The following NKAIN2 variants were observed in gnomAD, a reference collection of about 807,000 sequenced individuals.
The protein encoded by NKAIN2 is sodium/potassium-transporting ATPase subunit beta-1-interacting protein 2.
Under a neutral mutation model 32.6 loss-of-function variants are expected in NKAIN2, and 14 were observed. That is an observed-to-expected ratio of 0.43 (90% confidence interval 0.28 to 0.67). The LOEUF (loss-of-function observed/expected upper bound fraction) is 0.67. NKAIN2 is among the 30% of genes least tolerant of loss of function. The pLI, the probability that NKAIN2 is intolerant of heterozygous loss-of-function variation, is 0.17. For synonymous variants in NKAIN2, 80 were observed against 87.2 expected, an observed-to-expected ratio of 0.92 and a Z score of 0.46; for missense variants, 198 against 258.3, an observed-to-expected ratio of 0.77 and a Z score of 1.60.
intron 1 of NKAIN2, among the ~76,000 whole-genome samples, chr6:123,949,625 G>A (rs918859755): frequency 6.6e-6 from 1 of 151,892 alleles, no homozygotes; most frequent in Non-Finnish European, 1.5e-5. Flanking sequence ...GTATAAAAAT[G>A]CTACTGATTT....
intron 1 of NKAIN2, among the ~76,000 whole-genome samples, chr6:124,266,308 C>T (rs1449123179): frequency 6.6e-6 from 1 of 152,092 alleles, no homozygotes; most frequent in Non-Finnish European, 1.5e-5. Flanking sequence ...CCATATTTAT[C>T]ACTCTGCTGC....
chr6:124,154,655 A>T (rs925735535), intron 1 of NKAIN2, among the ~76,000 whole-genome samples: 1 of 151,918 alleles, frequency 6.6e-6, no homozygotes, highest in African/African-American at 2.4e-5. Flanking sequence ...GCTCCTTTTT[A>T]AGGCTTAAAG....
chr6:123,823,539 TA>T (rs1027583025), intron 1 of NKAIN2: 2 of 152,170 alleles, frequency 1.3e-5, no homozygotes, highest in Non-Finnish European at 2.9e-5. Flanking sequence ...GATGTGACCG[TA>T]GCAAAGGTGA....
chr6:124,090,264 A>C (rs1450675118), intron 1 of NKAIN2, among the ~76,000 whole-genome samples: 1 of 152,032 alleles, frequency 6.6e-6, no homozygotes, highest in African/African-American at 2.4e-5. Flanking sequence ...AGATTCTTTA[A>C]CTGAAGTCAA....
intron 3 of NKAIN2, among the ~76,000 whole-genome samples, chr6:124,511,293 T>TA (rs1778702711): frequency 6.6e-6 from 1 of 152,244 alleles, no homozygotes; most frequent in Non-Finnish European, 1.5e-5. Context: ...AGCCATTTTT[T>TA]AAAAAATATG....
chr6:124,360,546 A>G lies in NKAIN2; in HGVS notation c.273+5199A>G, dbSNP rs561071790. 2.6e-5 allele frequency among the ~76,000 whole-genome samples: 4 copies of G among 152,286 alleles called. No individual in the cohort carries two copies. The East Asian group carries it at 7.7e-4, about 29-fold the overall frequency. ...ATTGAAAATTCTATGAAAATCCAAC[A>G]TTATTATTAAAATTTCCATTAACAT... is the stretch of plus-strand genomic sequence containing the variant. On this transcript the variant is annotated intron_variant, in intron 3 of 6. Coordinates refer to ENST00000368417, the MANE Select transcript of NKAIN2 (RefSeq NM_001040214.3).
chr6:123,993,190 G>T (rs1003044527), intron 1 of NKAIN2, among the ~76,000 whole-genome samples: 1 of 152,070 alleles, frequency 6.6e-6, no homozygotes, highest in Non-Finnish European at 1.5e-5. Context: ...AGGCAAAAGG[G>T]TATTGACATA....
chr6:124,280,010 A>G (rs1795219261), intron 1 of NKAIN2, among the ~76,000 whole-genome samples: 1 of 152,214 alleles, frequency 6.6e-6, no homozygotes, highest in South Asian at 2.1e-4. Flanking sequence ...CAAGCCAAAC[A>G]CAAGGAACCA....
At chr6:124,741,968 G>A (rs542675873) in intron 4 of NKAIN2, among the ~76,000 whole-genome samples, 6 of 151,862 alleles carry the variant, frequency 4.0e-5, no homozygotes, top group East Asian at 2.0e-4. Flanking sequence ...ATTTAACAAC[G>A]AAACAATGAA....
chr6:124,056,229 T>C (rs1233560557), intron 1 of NKAIN2, among the ~76,000 whole-genome samples: 3 of 151,192 alleles, frequency 2.0e-5, no homozygotes, highest in East Asian at 1.9e-4. Context: ...GTGCCTTTAA[T>C]TGAGAGAGGT....
At chr6:124,132,073 G>C (rs542018894) in intron 1 of NKAIN2, among the ~76,000 whole-genome samples, 10 of 152,246 alleles carry the variant, frequency 6.6e-5, no homozygotes, top group African/African-American at 2.4e-4. Flanking sequence ...ACTGTTAATG[G>C]GGCACTGCAG....
chr6:124,660,961 A>T (rs1172040653), intron 4 of NKAIN2, among the ~76,000 whole-genome samples: 1 of 152,176 alleles, frequency 6.6e-6, no homozygotes, highest in Non-Finnish European at 1.5e-5. Context: ...TAGTGTCTTA[A>T]ATCTCTGTCC....
At chr6:124,477,940 T>C (rs1166273487) in intron 3 of NKAIN2, among the ~76,000 whole-genome samples, 1 of 151,442 alleles carries the variant, frequency 6.6e-6, no homozygotes, top group Non-Finnish European at 1.5e-5. Context: ...CCAATGAATA[T>C]CCTTTACAAA....
At chr6:124,015,458 A>T (rs946229490) in intron 1 of NKAIN2, among the ~76,000 whole-genome samples, 10 of 152,170 alleles carry the variant, frequency 6.6e-5, no homozygotes. Flanking sequence ...AAGTCTTTAG[A>T]TTGAGCTCTG....
intron 1 of NKAIN2, among the ~76,000 whole-genome samples, chr6:123,961,875 T>A (rs2114613404): frequency 6.6e-6 from 1 of 152,228 alleles, no homozygotes; most frequent in South Asian, 2.1e-4. Flanking sequence ...TATAACATAG[T>A]GGAAATATCA....
At chr6:124,368,635 A>C (rs915222248) in intron 3 of NKAIN2, among the ~76,000 whole-genome samples, 2 of 152,126 alleles carry the variant, frequency 1.3e-5, no homozygotes, top group African/African-American at 4.8e-5. Flanking sequence ...TGTTCGTAGA[A>C]GGTCCTCCCA....
At chr6:124,221,043 A>C (rs954469610) in intron 1 of NKAIN2, among the ~76,000 whole-genome samples, 25 of 152,230 alleles carry the variant, frequency 1.6e-4, no homozygotes, top group Admixed American at 9.2e-4. Flanking sequence ...TTTACTGAGG[A>C]GAAAATCAGC....
At chr6:124,467,366 A>C (rs976924157) in intron 3 of NKAIN2, among the ~76,000 whole-genome samples, 7 of 152,134 alleles carry the variant, frequency 4.6e-5, no homozygotes, top group African/African-American at 1.7e-4. Context: ...AGGACTACAA[A>C]CATTAAATAG....
intron 3 of NKAIN2, among the ~76,000 whole-genome samples, chr6:124,488,498 C>A (rs1351573336): frequency 6.6e-6 from 1 of 152,002 alleles, no homozygotes; most frequent in Non-Finnish European, 1.5e-5. Flanking sequence ...AGATTATCCA[C>A]CCATTTTCCA....
Sources: allele counts gnomAD v4.1 joint callset (sites outside exome capture counted in the v4.1 genomes callset), GRCh38; gene constraint gnomAD v4.1.1; transcripts MANE v1.5; gene names NCBI Gene and HGNC (gene_info 2026-07-23, HGNC 2026-07-21).